The following PARD3B variants were observed in gnomAD, a reference collection of about 807,000 sequenced individuals.
PARD3B encodes the protein partitioning defective 3 homolog B.
In PARD3B, 103 loss-of-function variants were observed where a neutral mutation model predicts 130.2. The ratio of observed to expected loss-of-function variants is 0.79; its 90% CI spans 0.67 to 0.93. The LOEUF is 0.93. PARD3B is among the 40% of genes least tolerant of loss of function. The pLI is 0.00. For synonymous variants in PARD3B, 583 were observed against 553.2 expected (o/e 1.05, Z -0.76); for missense variants, 1,609 against 1,499.2 (o/e 1.07, Z -1.21).
chr2:205,103,746 C>T (rs1456050329), intron 4 of PARD3B: 1 of 985,148 alleles, frequency 1.0e-6, no homozygotes. Flanking sequence ...TTTCTAGAAT[C>T]CATCCTCTCC....
Position 205,418,990 on chromosome 2 carries a change from G to A in PARD3B, c.2741+17867G>A, listed in dbSNP as rs919269222. ...TAATCTTAGTAGCCTAGAATGTTTGGCCAAAATATTTCTATACTTATAAGT... is the reference window on the plus strand; with the variant it reads ...TAATCTTAGTAGCCTAGAATGTTTGACCAAAATATTTCTATACTTATAAGT... On this transcript the variant is annotated intron_variant, in intron 19 of 22. Transcript: ENST00000406610. Among the ~76,000 whole-genome samples the A allele has an allele frequency of 6.7e-4, 102 of 151,990 alleles. 1 individual carries two copies. The highest frequency in any genetic ancestry group is 1.8e-4 in the Non-Finnish European group (12 of 67,960).
chr2:205,286,554 G>A (rs1213244779), intron 16 of PARD3B, among the ~76,000 whole-genome samples: 1 of 152,130 alleles, frequency 6.6e-6, no homozygotes, highest in Non-Finnish European at 1.5e-5. Flanking sequence ...TTTCCTTAGA[G>A]TCAATTTACA....
intron 10 of PARD3B, among the ~76,000 whole-genome samples, chr2:205,141,822 G>A (rs558224779): frequency 6.6e-6 from 1 of 152,270 alleles, no homozygotes; most frequent in African/African-American, 2.4e-5. Flanking sequence ...CAGTCTATAA[G>A]ATGGTATTAT....
chr2:205,320,322 A>G (rs1250948377), intron 18 of PARD3B, among the ~76,000 whole-genome samples: 1 of 152,214 alleles, frequency 6.6e-6, no homozygotes, highest in Non-Finnish European at 1.5e-5. Flanking sequence ...GTCCTTGAAC[A>G]CTACCTTGAT....
chr2:204,615,049 T>C (rs2034060899), intron 1 of PARD3B, among the ~76,000 whole-genome samples: 1 of 152,192 alleles, frequency 6.6e-6, no homozygotes, highest in East Asian at 1.9e-4. Flanking sequence ...TTGCAGATCT[T>C]AATGTTTGTC....
In PARD3B at chr2:205,397,418, C is replaced by A. The variant is rs2046071406; in HGVS notation, c.2631-3595C>A. 6.6e-6 allele frequency among the ~76,000 whole-genome samples: 1 copy of A among 152,106 alleles called. No individual in the cohort carries two copies. The highest frequency in any genetic ancestry group is 2.4e-5 in the African/African-American group (1 of 41,412). Reference sequence around the variant, plus strand: ...AATACTTTGCAGAATTTACTTTCAACTAACATGTTTTTTTTCTTACCAAAC... The same window carrying A: ...AATACTTTGCAGAATTTACTTTCAAATAACATGTTTTTTTTCTTACCAAAC... On this transcript the variant is annotated intron_variant, in intron 18 of 22. Transcript: ENST00000406610. The surrounding 1 kb of genome is among the most constrained non-coding windows in gnomAD (Gnocchi z 4.8).
chr2:205,163,146 T>C (rs1014465907), intron 11 of PARD3B, among the ~76,000 whole-genome samples: 2 of 152,164 alleles, frequency 1.3e-5, no homozygotes, highest in African/African-American at 4.8e-5. Context: ...CTGAATGGTG[T>C]TTTTGACTTC....
In PARD3B at chr2:205,407,932, C is replaced by G. The variant is rs894945198; in HGVS notation, c.2741+6809C>G. On this transcript the variant is annotated intron_variant, in intron 19 of 22. Coordinates refer to ENST00000406610, the MANE Select transcript of PARD3B (RefSeq NM_001302769.2). The surrounding 1 kb of genome is among the most constrained non-coding windows in gnomAD (Gnocchi z 4.1). The stretch of plus-strand genomic sequence containing the variant: ...TTAATTAAACATTGCTTTCGTAGAT[C>G]TTACTAGAATCTTAGCAGGATACAT... 6.6e-6 allele frequency among the ~76,000 whole-genome samples: 1 copy of G among 152,100 alleles called. No individual in the cohort carries two copies. The highest frequency in any genetic ancestry group is 6.6e-5 in the Admixed American group (1 of 15,250).
intron 3 of PARD3B, among the ~76,000 whole-genome samples, chr2:204,988,531 G>A (rs1027639513): frequency 1.3e-5 from 2 of 151,960 alleles, no homozygotes; most frequent in African/African-American, 4.8e-5. Context: ...TTGAGGGGGT[G>A]GATACCCCAT....
intron 4 of PARD3B, among the ~76,000 whole-genome samples, chr2:205,061,271 C>A (rs1700048276): frequency 6.6e-6 from 1 of 152,096 alleles, no homozygotes. Flanking sequence ...TCTTAAGGTT[C>A]TGGCATGGCA....
At chr2:204,764,712 A>ATATGTGTGTGTGTGTGTGTGTG (rs2041060777) in intron 2 of PARD3B, among the ~76,000 whole-genome samples, 1 of 43,000 alleles carries the variant, frequency 2.3e-5, no homozygotes, top group African/African-American at 5.9e-5. Context: ...TCTGGCATGC[A>ATATGTGTGTGTGTGTGTGTGTG]TGCGTGTGTG....
chr2:204,885,980 A>G (rs573787457), intron 2 of PARD3B, among the ~76,000 whole-genome samples: 22 of 152,162 alleles, frequency 1.4e-4, no homozygotes, highest in Non-Finnish European at 2.9e-4. Context: ...TCTTTTTCTA[A>G]GTGGCATCAG....
rs977403775 is a variant in PARD3B at position 205,458,823 on chromosome 2, A to C, written c.3044+18151A>C. Among the ~76,000 whole-genome samples the C allele has an allele frequency of 6.6e-6, 1 of 152,122 alleles. No individual in the cohort carries two copies. Among genetic ancestry groups the C allele is most frequent in the African/African-American group, 2.4e-5 (1 of 41,444 alleles). ...GCTGTAGAAATCTCAGGCTGATGAT[A>C]CCTTTCTTCAGAGAAGATGTATTTA... On this transcript the variant is annotated intron_variant, in intron 20 of 22. Coordinates refer to ENST00000406610, the MANE Select transcript of PARD3B (RefSeq NM_001302769.2). This position sits in a 1 kb window ranked among gnomAD's most constrained non-coding sequence, Gnocchi z 4.8.
intron 2 of PARD3B, among the ~76,000 whole-genome samples, chr2:204,757,122 A>G (rs890057637): frequency 3.3e-5 from 5 of 152,164 alleles, no homozygotes; most frequent in African/African-American, 9.7e-5. Context: ...GCAGTATTCC[A>G]TGGTGTATGT....
At chr2:204,586,107 A>G (rs2032812294) in intron 1 of PARD3B, among the ~76,000 whole-genome samples, 1 of 152,246 alleles carries the variant, frequency 6.6e-6, no homozygotes, top group Non-Finnish European at 1.5e-5. Context: ...AGAGCTCAGC[A>G]TTCTTTAGAC....
At chr2:205,225,737 C>G (rs151229176) in intron 15 of PARD3B, among the ~76,000 whole-genome samples, 2 of 152,036 alleles carry the variant, frequency 1.3e-5, no homozygotes, top group Non-Finnish European at 2.9e-5. Context: ...GGGAAAGTGC[C>G]GCACACTTTT....
chr2:205,233,109 G>A (rs201858157), intron 15 of PARD3B, among the ~76,000 whole-genome samples: 2 of 152,134 alleles, frequency 1.3e-5, no homozygotes, highest in East Asian at 3.9e-4. Context: ...CTGAAATCAT[G>A]GTTAAAGAGA....
rs537352255 is a variant in PARD3B at position 205,606,850 on chromosome 2, A to G, written c.3261-8606A>G. Among the ~76,000 whole-genome samples the G allele has an allele frequency of 2.0e-5, 3 of 152,206 alleles. No individual in the cohort carries two copies. In the South Asian group the frequency reaches 6.2e-4, roughly 32 times the overall value. On this transcript the variant is annotated intron_variant, in intron 22 of 22. Coordinates refer to ENST00000406610, the MANE Select transcript of PARD3B (RefSeq NM_001302769.2). ...GGTAACACGTCTTACAAACCCCCAT[A>G]GCCACAGGGATTCCTTAAAGCTGGG...
chr2:205,398,857 C>G (rs6730988), intron 18 of PARD3B, among the ~76,000 whole-genome samples: 8 of 152,180 alleles, frequency 5.3e-5, no homozygotes, highest in Admixed American at 5.2e-4. Flanking sequence ...GCTTACAGTA[C>G]AGGACTTTCT....
Sources: allele counts gnomAD v4.1 joint callset (sites outside exome capture counted in the v4.1 genomes callset), GRCh38; gene constraint gnomAD v4.1.1; non-coding constraint Gnocchi (gnomAD v3.1); transcripts MANE v1.5; gene names NCBI Gene and HGNC (gene_info 2026-07-23, HGNC 2026-07-21).